Variants in FBXL20 observed in about 807,000 individuals in gnomAD.
FBXL20 encodes the protein F-box/LRR-repeat protein 20.
A neutral mutation model predicts 64.0 loss-of-function variants in FBXL20; 11 were observed. The observed-to-expected ratio is 0.17, with a 90% confidence interval of 0.11 to 0.28. The LOEUF is 0.28. FBXL20 is among the 10% of genes least tolerant of loss of function. The pLI is 1.00. For synonymous variants in FBXL20, 184 were observed against 189.0 expected, an observed-to-expected ratio of 0.97 and a Z score of 0.22; for missense variants, 303 against 526.2, an observed-to-expected ratio of 0.58 and a Z score of 4.15.
In FBXL20 at chr17:39,382,170, G is replaced by A. The variant is rs188564362; in HGVS notation, c.42+19191C>T. ...ATAAATTAAAAATAGATGGCTTGGC[G>A]CGGTGGCTCACGCCTGTAATCCCAG... On this transcript the variant is annotated intron_variant, in intron 1 of 14. Coordinates refer to ENST00000264658, the MANE Select transcript of FBXL20 (RefSeq NM_032875.3). Among the ~76,000 whole-genome samples the A allele has an allele frequency of 5.1e-3, 746 of 146,328 alleles. 4 individuals are homozygous for A. The highest frequency in any genetic ancestry group is 7.6e-3 in the Non-Finnish European group (503 of 66,466).
intron 6 of FBXL20, among the ~76,000 whole-genome samples, chr17:39,296,775 C>G (rs2047090103): frequency 6.6e-6 from 1 of 152,204 alleles, no homozygotes; most frequent in Admixed American, 6.5e-5. Flanking sequence ...GTTTAGTCCT[C>G]TGTTTAAGAT....
In FBXL20 at chr17:39,259,124, C is replaced by T. The variant is rs1328159021; in HGVS notation, c.*2336G>A. 3 of 152,064 alleles carry T rather than the reference C, an allele frequency of 2.0e-5. No homozygotes were observed. The highest frequency in any genetic ancestry group is 4.4e-5 in the Non-Finnish European group (3 of 68,014). The allele number at this position is 152,064 out of a possible 1,614,324, so 9.4% of individuals were successfully genotyped here. A position where few individuals can be genotyped will look rare whatever the true frequency, so the allele number is the denominator to read the frequency against. Reference sequence around the variant, plus strand: ...TAAATCAATGGATAAATAAATCAGACTTTATTCTTATATATGCTGGTATAA... The same window carrying T: ...TAAATCAATGGATAAATAAATCAGATTTTATTCTTATATATGCTGGTATAA... On this transcript the variant is annotated 3_prime_UTR_variant, in exon 15 of 15. Coordinates refer to ENST00000264658, the MANE Select transcript of FBXL20 (RefSeq NM_032875.3).
intron 2 of FBXL20, among the ~76,000 whole-genome samples, chr17:39,320,253 T>TTTAAGA (rs1555608468): frequency 1.3e-5 from 2 of 151,500 alleles, no homozygotes; most frequent in African/African-American, 4.9e-5. Flanking sequence ...AAAAATCAAC[T>TTTAAGA]TAAATTTTTT....
chr17:39,393,442 G>A (rs1332040277), intron 1 of FBXL20, among the ~76,000 whole-genome samples: 1 of 152,060 alleles, frequency 6.6e-6, no homozygotes, highest in Non-Finnish European at 1.5e-5. Context: ...AGTTTGGGCT[G>A]GGATTTTATA....
intron 2 of FBXL20, among the ~76,000 whole-genome samples, chr17:39,330,754 C>T (rs1453527048): frequency 2.0e-5 from 3 of 152,118 alleles, no homozygotes; most frequent in Non-Finnish European, 4.4e-5. Flanking sequence ...TTTATTTTTC[C>T]TCCAGGAAAT....
intron 2 of FBXL20, among the ~76,000 whole-genome samples, chr17:39,333,300 C>T (rs2144544957): frequency 6.6e-6 from 1 of 152,340 alleles, no homozygotes; most frequent in East Asian, 1.9e-4. Flanking sequence ...CGCGCGCCGC[C>T]ACGCCTGACT....
chr17:39,271,318 C>T (rs185109642), intron 10 of FBXL20, among the ~76,000 whole-genome samples: 1 of 152,142 alleles, frequency 6.6e-6, no homozygotes, highest in Admixed American at 6.5e-5. Flanking sequence ...ATGTGACAGG[C>T]CGGGCATGGT....
chr17:39,266,582 G>A (rs766099257), intron 12 of FBXL20, among the ~76,000 whole-genome samples: 4 of 152,132 alleles, frequency 2.6e-5, no homozygotes, highest in Non-Finnish European at 4.4e-5. Context: ...CCTGGCCTCA[G>A]GTGATCCACC....
At chr17:39,266,567 G>A (rs1208687223) in intron 12 of FBXL20, among the ~76,000 whole-genome samples, 2 of 151,986 alleles carry the variant, frequency 1.3e-5, no homozygotes, top group East Asian at 1.9e-4. Context: ...GGCTGGTCTC[G>A]AACTCCTGGC....
rs544515277 is a variant in FBXL20, at chr17:39,302,208, T to G, written c.160-1133A>C. Among the ~76,000 whole-genome samples, 181 of 152,084 alleles carry G rather than the reference T, an allele frequency of 1.2e-3. 2 individuals carry two copies. In the South Asian group the frequency reaches 0.017, roughly 14 times the overall value. ...TTTTTCTATATATAGAGTATATATA[T>G]AGAGAAATATATGTATTTCTTGAGA... is the stretch of plus-strand genomic sequence containing the variant. On this transcript the variant is annotated intron_variant, in intron 3 of 14. Transcript: ENST00000264658.
Position 39,264,367 on chromosome 17 carries a change from C to G in FBXL20, c.1011G>C (p.Leu337=). 6.2e-7 allele frequency: 1 copy of G among 1,613,526 alleles called. No individual in the cohort carries two copies. Among genetic ancestry groups the G allele is most frequent in the South Asian group, 1.1e-5 (1 of 91,052 alleles). ...GGTGACGAATTCCATCATCTGTGAT[C>G]AGCTCACAGTGAGACAGACTCTGCA... ...LQVLSLSHCE[L]ITDDGIRHLG... Residue 337 remains leucine, a synonymous_variant, in exon 14 of 15, where the codon CTG becomes CTC. Coordinates refer to ENST00000264658, the MANE Select transcript of FBXL20 (RefSeq NM_032875.3).
At chr17:39,393,416 T>G (rs1357610571) in intron 1 of FBXL20, among the ~76,000 whole-genome samples, 1 of 152,170 alleles carries the variant, frequency 6.6e-6, no homozygotes, top group South Asian at 2.1e-4. Context: ...ACCACAGTGG[T>G]TACTACATTT....
chr17:39,331,045 TCAACA>T (rs1418834202), intron 2 of FBXL20, among the ~76,000 whole-genome samples: 1 of 152,242 alleles, frequency 6.6e-6, no homozygotes, highest in Non-Finnish European at 1.5e-5. Context: ...CAAAAAGGAC[TCAACA>T]CAACAATCTC....
chr17:39,371,567 A>C (rs1389884339), intron 1 of FBXL20, among the ~76,000 whole-genome samples: 1 of 151,940 alleles, frequency 6.6e-6, no homozygotes, highest in Non-Finnish European at 1.5e-5. Flanking sequence ...AGCTAACCCC[A>C]TCCTCCTCTG....
chr17:39,342,127 T>C (rs1053743038), intron 2 of FBXL20, among the ~76,000 whole-genome samples: 1 of 151,998 alleles, frequency 6.6e-6, no homozygotes, highest in South Asian at 2.1e-4. Context: ...TCATGAGGGG[T>C]TTTGTAGGCC....
chr17:39,300,868 C>T, intron 4 of FBXL20, 133 bp downstream of exon 4: 1 of 773,066 alleles, frequency 1.3e-6, no homozygotes, highest in South Asian at 2.1e-5. Flanking sequence ...TTGGGGGTTC[C>T]TGTAAAGTTC....
intron 1 of FBXL20, among the ~76,000 whole-genome samples, chr17:39,376,543 TG>T (rs1410021889): frequency 4.6e-5 from 7 of 152,286 alleles, no homozygotes; most frequent in African/African-American, 1.4e-4. Flanking sequence ...CACCTCTGGT[TG>T]ATCTTGAGAA....
At chr17:39,376,556 T>G (rs12946620) in intron 1 of FBXL20, among the ~76,000 whole-genome samples, 1,959 of 152,286 alleles carry the variant, frequency 0.013, 48 homozygotes, top group African/African-American at 0.045. Context: ...TCTTGAGAAT[T>G]TGCAGAAGTA....
intron 2 of FBXL20, among the ~76,000 whole-genome samples, chr17:39,337,670 C>G (rs1017421837): frequency 3.3e-5 from 5 of 151,420 alleles, no homozygotes; most frequent in African/African-American, 1.2e-4. Context: ...CTCTGCCTGG[C>G]AACCGCCCCG....
Sources: gnomAD v4.1 joint callset for allele counts (sites outside exome capture counted in the v4.1 genomes callset) on GRCh38, gnomAD v4.1.1 for gene constraint, MANE v1.5 for transcripts, NCBI Gene and HGNC (gene_info 2026-07-23, HGNC 2026-07-21) for gene names.